ILRUN: variants seen among roughly 807,000 people sequenced by gnomAD.
ILRUN encodes the protein inflammation and lipid regulator with UBA-like and NBR1-like domains.
A neutral mutation model predicts 33.8 loss-of-function variants in ILRUN; 3 were observed. The observed-to-expected ratio is 0.09, with a 90% CI of 0.04 to 0.23. The LOEUF (loss-of-function observed/expected upper bound fraction) is 0.23, where lower values mean the gene tolerates loss of function less well. Among genes scored for constraint, ILRUN ranks in the 10% least tolerant of loss-of-function variants. The probability of loss-of-function intolerance (pLI) is 1.00; values close to 1 mark genes in which losing one functional copy is unlikely to be tolerated. For synonymous variants in ILRUN, 124 were observed against 138.9 expected (o/e 0.89, Z 0.75); for missense variants, 210 against 375.1 (o/e 0.56, Z 3.64).
At chr6:34,688,067 T>C (rs1455093483) in intron 1 of ILRUN, among the ~76,000 whole-genome samples, 1 of 151,988 alleles carries the variant, frequency 6.6e-6, no homozygotes, top group Non-Finnish European at 1.5e-5. Flanking sequence ...CAAATTGTGA[T>C]ATGTATATAC....
intron 3 of ILRUN, among the ~76,000 whole-genome samples, chr6:34,630,162 G>C (rs1256863955): frequency 6.6e-6 from 1 of 152,186 alleles, no homozygotes; most frequent in Non-Finnish European, 1.5e-5. Context: ...CAAGTGAATA[G>C]TGCATACACG....
At chr6:34,594,327 G>C (rs1399456066) in intron 4 of ILRUN, among the ~76,000 whole-genome samples, 2 of 152,166 alleles carry the variant, frequency 1.3e-5, no homozygotes, top group Non-Finnish European at 2.9e-5. Flanking sequence ...CAGTGAGCTT[G>C]ATGCAGAAAG....
intron 1 of ILRUN, among the ~76,000 whole-genome samples, chr6:34,678,824 C>A (rs1362811727): frequency 2.6e-5 from 3 of 115,880 alleles, no homozygotes; most frequent in Non-Finnish European, 4.9e-5. Context: ...CACTGTACTC[C>A]AGACTCCGTC....
chr6:34,614,476 T>A (rs1761835294), intron 3 of ILRUN, among the ~76,000 whole-genome samples: 1 of 142,648 alleles, frequency 7.0e-6, no homozygotes, highest in African/African-American at 2.6e-5. Flanking sequence ...TTATATATTT[T>A]TTATATATTA....
At chr6:34,613,039 T>C (rs921009384) in intron 3 of ILRUN, among the ~76,000 whole-genome samples, 1 of 145,820 alleles carries the variant, frequency 6.9e-6, no homozygotes, top group Non-Finnish European at 1.5e-5. Context: ...CGAGACTCCG[T>C]CTCAAGGAAA....
intron 4 of ILRUN, among the ~76,000 whole-genome samples, chr6:34,597,239 G>GA (rs1360267578): frequency 6.6e-6 from 1 of 152,142 alleles, no homozygotes; most frequent in Non-Finnish European, 1.5e-5. Flanking sequence ...AAAGATTTCA[G>GA]AAAAAAGCTA....
intron 1 of ILRUN, 135 bp downstream of exon 1, chr6:34,696,311 C>T: frequency 1.1e-6 from 1 of 928,760 alleles, no homozygotes; most frequent in Non-Finnish European, 1.6e-6. Flanking sequence ...CTCCCCGACT[C>T]GTCCTCCCCG....
At chr6:34,681,421 C>A (rs1338204873) in intron 1 of ILRUN, among the ~76,000 whole-genome samples, 1 of 152,102 alleles carries the variant, frequency 6.6e-6, no homozygotes, top group Non-Finnish European at 1.5e-5. Flanking sequence ...ACCCTTCCAA[C>A]AAGTGAAAAA....
rs570129219 is a variant in ILRUN at position 34,679,299 on chromosome 6, G to A, written c.158+17147C>T. 3.2e-4 allele frequency among the ~76,000 whole-genome samples: 49 copies of A among 152,106 alleles called. 1 individual carries two copies. The highest frequency in any genetic ancestry group is 8.5e-4 in the Admixed American group (13 of 15,258). On this transcript the variant is annotated intron_variant, in intron 1 of 4. Transcript: ENST00000374023. The stretch of plus-strand genomic sequence containing the variant: ...ACGGTAATGGCAGAAATACAAATGC[G>A]TCCAATCTTTATGAGGTGTAAGACA...
At chr6:34,652,228 G>GT (rs1372052733) in intron 2 of ILRUN, among the ~76,000 whole-genome samples, 1 of 152,114 alleles carries the variant, frequency 6.6e-6, no homozygotes, top group African/African-American at 2.4e-5. Context: ...AGGTGAGAAA[G>GT]AAATTAGGCA....
At chr6:34,618,588 C>A (rs1050713876) in intron 3 of ILRUN, among the ~76,000 whole-genome samples, 3 of 152,204 alleles carry the variant, frequency 2.0e-5, no homozygotes, top group Admixed American at 6.5e-5. Flanking sequence ...CCATGGCATT[C>A]CACAGTTCCT....
intron 3 of ILRUN, among the ~76,000 whole-genome samples, chr6:34,622,783 G>C (rs1272730536): frequency 6.6e-6 from 1 of 152,186 alleles, no homozygotes; most frequent in African/African-American, 2.4e-5. Context: ...GGGTCTCAAA[G>C]AGATATTTGT....
chr6:34,587,444 C>T lies in ILRUN; in HGVS notation c.*3121G>A, dbSNP rs567718276. 6.5e-6 allele frequency: 1 copy of T among 152,816 alleles called. No individual in the cohort carries two copies. Among genetic ancestry groups the T allele is most frequent in the African/African-American group, 2.4e-5 (1 of 41,572 alleles). The allele number at this position is 152,816 out of a possible 1,614,324, so 9.5% of individuals were successfully genotyped here. A position where few individuals can be genotyped will look rare whatever the true frequency, so the allele number is the denominator to read the frequency against. On this transcript the variant is annotated 3_prime_UTR_variant, in exon 5 of 5. Transcript: ENST00000374023. ...ACCACTGTCCAGGTGGGAAGGGCAG[C>T]CACTGCTGCTCCTGCATTCACCCAA...
intron 1 of ILRUN, among the ~76,000 whole-genome samples, chr6:34,658,490 CT>C (rs71538252): frequency 0.012 from 1,628 of 130,824 alleles, 12 homozygotes; most frequent in Middle Eastern, 0.052. Flanking sequence ...TTTTCTTTTT[CT>C]TTTTTTTTTT....
chr6:34,614,161 G>A (rs1026137355), intron 3 of ILRUN, among the ~76,000 whole-genome samples: 1 of 152,052 alleles, frequency 6.6e-6, no homozygotes, highest in East Asian at 1.9e-4. Flanking sequence ...GGTGGCTCAC[G>A]CCTATAATCC....
chr6:34,600,849 T>G (rs906279673), intron 4 of ILRUN, among the ~76,000 whole-genome samples: 2 of 152,222 alleles, frequency 1.3e-5, no homozygotes, highest in Non-Finnish European at 2.9e-5. Context: ...AACAAAAATG[T>G]GTACTTGAAC....
At chr6:34,617,691 C>T (rs1761925968) in intron 3 of ILRUN, among the ~76,000 whole-genome samples, 1 of 152,218 alleles carries the variant, frequency 6.6e-6, no homozygotes, top group Non-Finnish European at 1.5e-5. Context: ...ACAACCTCCA[C>T]TGAAACTCCG....
At chr6:34,601,710 C>CCCCCA (rs1554182774) in intron 4 of ILRUN, among the ~76,000 whole-genome samples, 21 of 148,162 alleles carry the variant, frequency 1.4e-4, no homozygotes, top group African/African-American at 5.1e-4. Context: ...TACCCGCCCC[C>CCCCCA]CCAACTACTG....
At chr6:34,686,328 G>A (rs954233439) in intron 1 of ILRUN, among the ~76,000 whole-genome samples, 2 of 151,652 alleles carry the variant, frequency 1.3e-5, no homozygotes, top group South Asian at 4.2e-4. Context: ...GTGAAACCCT[G>A]TCTCTACAAA....
Sources: allele counts gnomAD v4.1 joint callset (sites outside exome capture counted in the v4.1 genomes callset), GRCh38; gene constraint gnomAD v4.1.1; transcripts MANE v1.5; gene names NCBI Gene and HGNC (gene_info 2026-07-23, HGNC 2026-07-21).